ATP8B3: variants seen among roughly 807,000 people sequenced by gnomAD.
ATP8B3 encodes phospholipid-transporting ATPase IK.
ATP8B3 carries 141 observed loss-of-function variants against 140.9 expected under a neutral mutation model. That is an observed-to-expected ratio of 1.00 (90% CI 0.87 to 1.15). ATP8B3 has a LOEUF of 1.15. Ranked by LOEUF, ATP8B3 falls within the 50% of genes most tolerant of loss-of-function variation. ATP8B3 has a pLI of 0.00. For synonymous variants in ATP8B3, 765 were observed against 714.6 expected, an observed-to-expected ratio of 1.07 and a Z score of -1.13; for missense variants, 1,874 against 1,740.6, an observed-to-expected ratio of 1.08 and a Z score of -1.36.
Position 1,790,828 on chromosome 19 carries a change from C to G in ATP8B3, c.2307G>C (p.Thr769=), listed in dbSNP as rs528928319. ...IWVLTGDKQE[T]AVNIGFACEL... ...CGCAGGCGAAGCCGATGTTCACAGC[C>G]GTTTCTGCGAAGCAGACCAGCTCAG... The change falls in exon 21 of 29, where the codon ACG becomes ACC. Residue 769 remains threonine, a synonymous_variant. Transcript: ENST00000310127. 3.1e-6 allele frequency: 5 copies of G among 1,598,656 alleles called. No individual in the cohort carries two copies. The highest frequency in any genetic ancestry group is 2.7e-5 in the African/African-American group (2 of 74,580).
Position 1,812,041 on chromosome 19 carries a change from C to A in ATP8B3, c.-149+145G>T, listed in dbSNP as rs1432507422. 3 of 324,044 alleles carry A rather than the reference C, an allele frequency of 9.3e-6. No individual in the cohort carries two copies. In the East Asian group the frequency reaches 1.5e-4, roughly 16 times the overall value. 20.1% of individuals were successfully genotyped at this position (324,044 alleles called of 1,614,324 possible). ...CTCCAGAGTCCAGGGCTGTCTGCAC[C>A]CGCCCCGGGGCCCCGACCGCGCGAA... On this transcript the variant is annotated intron_variant, in intron 1 of 28. Coordinates refer to ENST00000310127, the MANE Select transcript of ATP8B3 (RefSeq NM_138813.4).
intron 24 of ATP8B3, 100 bp downstream of exon 24, chr19:1,788,797 C>G: frequency 8.5e-7 from 1 of 1,178,132 alleles, no homozygotes; most frequent in Non-Finnish European, 1.2e-6. Context: ...CCGAGGATCC[C>G]AGGGTTCTCA....
intron 18 of ATP8B3, among the ~76,000 whole-genome samples, chr19:1,792,594 A>AT (rs899791244): frequency 6.7e-6 from 1 of 149,210 alleles, no homozygotes; most frequent in Non-Finnish European, 1.5e-5. Flanking sequence ...AAAAAAAAAA[A>AT]AATAGAAAAA....
intron 25 of ATP8B3, 38 bp from the exon 26 acceptor site, chr19:1,785,746 GCGGGGGA>G: frequency 2.0e-6 from 2 of 1,013,828 alleles, no homozygotes; most frequent in Non-Finnish European, 1.4e-6. Context: ...TGGGTGGGGG[GCGGGGGA>G]CACCCAACAG....
chr19:1,789,595 G>C lies in ATP8B3; in HGVS notation c.2611C>G (p.Arg871Gly), dbSNP rs755694854. The C allele has an allele frequency of 1.9e-5, 30 of 1,592,662 alleles. 1 individual carries two copies. The highest frequency in any genetic ancestry group is 1.1e-4 in the East Asian group (5 of 44,096). ...GCAGCCAGCGGGAGCCCGAACCTCCGGCACAGCAGGGACAGGCGCCTGGCG... is the reference window on the plus strand; with the variant it reads ...GCAGCCAGCGGGAGCCCGAACCTCCCGCACAGCAGGGACAGGCGCCTGGCG... ...LYARRLSLLC[R>G]RFGLPLAAPP... Residue 871 changes from arginine (R) to glycine (G), a missense_variant, in exon 23 of 29, where the codon CGG (arginine) becomes GGG (glycine). Coordinates refer to ENST00000310127, the MANE Select transcript of ATP8B3 (RefSeq NM_138813.4).
intron 10 of ATP8B3, among the ~76,000 whole-genome samples, chr19:1,804,318 A>T (rs1034862124): frequency 2.0e-5 from 3 of 150,868 alleles, no homozygotes; most frequent in Admixed American, 6.6e-5. Context: ...ATATGATGAA[A>T]CCCCGTCTCG....
chr19:1,811,992 G>A (rs936585733), intron 1 of ATP8B3, 108 bp from the exon 2 acceptor site: 1 of 533,956 alleles, frequency 1.9e-6, no homozygotes, highest in Non-Finnish European at 3.3e-6. Flanking sequence ...CAGCCGCAGG[G>A]GCACAGGACC....
chr19:1,796,739 C>T lies in ATP8B3; in HGVS notation c.1725G>A (p.Met575Ile), dbSNP rs765084770. The change falls in exon 16 of 29, where the codon ATG becomes ATA. Residue 575 changes from methionine (M) to isoleucine (I), a missense_variant. Around this residue, in one of 3 missense-constraint regions of ATP8B3, gnomAD observed 1,032 missense variants for 963.6 expected, o/e 1.07. Transcript: ENST00000310127. ...GGCGCTCACGGGGGCTCTCCCGCAC[C>T]ATCACCGTGTGGCAGATGGCCAGCA... ...WRLLAICHTVMVRESPRERPD... is the reference protein window; with the variant it reads ...WRLLAICHTVIVRESPRERPD... The T allele has an allele frequency of 6.2e-7, 1 of 1,611,902 alleles. No individual in the cohort carries two copies. Among genetic ancestry groups the T allele is most frequent in the Non-Finnish European group, 8.5e-7 (1 of 1,179,578 alleles).
At chr19:1,788,199 C>A (rs1042645198) in intron 24 of ATP8B3, among the ~76,000 whole-genome samples, 2 of 152,242 alleles carry the variant, frequency 1.3e-5, no homozygotes, top group African/African-American at 4.8e-5. Context: ...CAGGGAATAG[C>A]ACTGCCCTGG....
Position 1,805,832 on chromosome 19 carries a change from C to T in ATP8B3, c.821+56G>A. The T allele has an allele frequency of 6.2e-7, 1 of 1,603,650 alleles. No homozygotes were observed. Among genetic ancestry groups the T allele is most frequent in the Non-Finnish European group, 8.5e-7 (1 of 1,172,620 alleles). On this transcript the variant is annotated intron_variant, in intron 9 of 28. Transcript: ENST00000310127. The surrounding 1 kb of genome is among the most constrained non-coding windows in gnomAD (Gnocchi z 5.2). ...TCCTTGGTGACTGGGGAAGGGGGCT[C>T]CTCCGGGCCATGCTCCCCACCCCCC...
chr19:1,792,739 G>A (rs1051032002), intron 18 of ATP8B3, among the ~76,000 whole-genome samples: 6 of 151,762 alleles, frequency 4.0e-5, no homozygotes, highest in Non-Finnish European at 5.9e-5. Context: ...CGGTGAAACC[G>A]CGTCTCCACT....
rs201004248 is a variant in ATP8B3, at chr19:1,789,517, G to A, written c.2689C>T (p.Arg897Cys). 1,166 of 1,598,136 alleles carry A rather than the reference G, an allele frequency of 7.3e-4. 23 individuals carry two copies. The Admixed American group carries it at 0.019, about 26-fold the overall frequency. Reference protein sequence around the residue: ...ARRSSEVLQERAFVDLASKCQ... With the variant: ...ARRSSEVLQECAFVDLASKCQ... ...TTGGACGCCAGGTCCACGAAGGCGCGCTCCTGCAGCACCTCGGAGCTACGG... is the reference window on the plus strand; with the variant it reads ...TTGGACGCCAGGTCCACGAAGGCGCACTCCTGCAGCACCTCGGAGCTACGG... The change falls in exon 23 of 29, where the codon CGC becomes TGC. Residue 897 changes from arginine (R) to cysteine (C), a missense_variant. Transcript: ENST00000310127.
rs1218905471 is a variant in ATP8B3 at position 1,787,115 on chromosome 19, C to G, written c.3141G>C (p.Gly1047=). ...LYSTLPVLYI[G]LFEQDVSAEQ... is the part of the protein sequence containing the mutation. ...TTGCCCTGCTCACCTGCTCAAAGAG[C>G]CCAATGTAGAGAACTGGCAGGGTGC... The change falls in exon 25 of 29, where the codon GGG becomes GGC. Residue 1047 remains glycine (G), a synonymous_variant. Transcript: ENST00000310127. The G allele has an allele frequency of 1.9e-5, 30 of 1,605,590 alleles. No individual in the cohort carries two copies. The highest frequency in any genetic ancestry group is 2.5e-5 in the Non-Finnish European group (29 of 1,175,848).
rs757244768 is a variant in ATP8B3 at position 1,787,041 on chromosome 19, G to A, written c.3153+62C>T. On this transcript the variant is annotated intron_variant, in intron 25 of 28. Coordinates refer to ENST00000310127, the MANE Select transcript of ATP8B3 (RefSeq NM_138813.4). ...GCTCCCTCTCCCCGCCCCAAGGAGC[G>A]GAGGAGAGGAGGAGAGGCTAAGCAG... 48 of 1,428,938 alleles carry A rather than the reference G, an allele frequency of 3.4e-5. 1 individual carries two copies. The highest frequency in any genetic ancestry group is 1.7e-4 in the Middle Eastern group (1 of 5,758). The allele number at this position is 1,428,938 out of a possible 1,614,324, so 88.5% of individuals were successfully genotyped here.
intron 10 of ATP8B3, among the ~76,000 whole-genome samples, chr19:1,804,426 G>A (rs367688429): frequency 1.3e-4 from 20 of 152,144 alleles, no homozygotes; most frequent in African/African-American, 4.8e-4. Flanking sequence ...TGGCTAACAC[G>A]GTGAAACCCT....
chr19:1,788,368 G>C (rs548004783), intron 24 of ATP8B3, among the ~76,000 whole-genome samples: 1 of 152,098 alleles, frequency 6.6e-6, no homozygotes, highest in Non-Finnish European at 1.5e-5. Context: ...AGCTCTGAGT[G>C]TGCCGGGCAC....
At chr19:1,786,207 G>A (rs1056957463) in intron 25 of ATP8B3, among the ~76,000 whole-genome samples, 3 of 152,112 alleles carry the variant, frequency 2.0e-5, no homozygotes, top group African/African-American at 7.2e-5. Context: ...AGGTGATGCT[G>A]GGCTGTGCGC....
At position 1,783,096 on chromosome 19, in the gene ATP8B3, C is replaced by T; in HGVS notation, c.3835G>A (p.Asp1279Asn). Residue 1279 changes from aspartate to asparagine, a missense_variant, in exon 29 of 29, where the codon GAC (aspartate) becomes AAC (asparagine). Coordinates refer to ENST00000310127, the MANE Select transcript of ATP8B3 (RefSeq NM_138813.4). ...ILRRGPGVSSDIASESLDPSD... is the reference protein window; with the variant it reads ...ILRRGPGVSSNIASESLDPSD... ...GGGTCTAGGGATTCAGATGCTATGT[C>T]ACTGCTGACCCCTGGTCCCCTCCGC... 1 of 1,613,412 alleles carries T rather than the reference C, an allele frequency of 6.2e-7. No homozygotes were observed. Among genetic ancestry groups the T allele is most frequent in the Non-Finnish European group, 8.5e-7 (1 of 1,179,714 alleles).
At position 1,796,135 on chromosome 19, in the gene ATP8B3, G is replaced by GAC. The variant is rs778838966; in HGVS notation, c.1882_1883dup (p.Tyr629SerfsTer7). On this transcript the variant is annotated frameshift_variant, in exon 17 of 29. Coordinates refer to ENST00000310127, the MANE Select transcript of ATP8B3 (RefSeq NM_138813.4). LOFTEE classifies it high-confidence loss of function. The stretch of plus-strand genomic sequence containing the variant: ...AGTCCATTATGGCCAGGACCTGGTA[G>GAC]ACCCGTTCCTCCCCCAGCTCCATGA... 6.2e-7 allele frequency: 1 copy of GAC among 1,613,040 alleles called. No individual in the cohort carries two copies. The highest frequency in any genetic ancestry group is 2.2e-5 in the East Asian group (1 of 44,886).
Sources: gnomAD v4.1 joint callset for allele counts (sites outside exome capture counted in the v4.1 genomes callset) on GRCh38, gnomAD v4.1.1 for gene constraint, gnomAD v4.1.1 regional missense constraint, Gnocchi (gnomAD v3.1) non-coding constraint, MANE v1.5 for transcripts, NCBI Gene and HGNC (gene_info 2026-07-23, HGNC 2026-07-21) for gene names.